TENM3: variants seen among roughly 807,000 people sequenced by gnomAD.
TENM3 encodes the protein teneurin transmembrane protein 3.
Under a neutral mutation model 255.1 loss-of-function variants are expected in TENM3, and 63 were observed. The observed-to-expected ratio is 0.25, with a 90% CI of 0.20 to 0.30. The LOEUF (loss-of-function observed/expected upper bound fraction) is 0.30. Ranked by LOEUF, TENM3 falls within the 10% of genes least tolerant of loss-of-function variation. TENM3 has a pLI of 1.00. For synonymous variants in TENM3, 1,306 were observed against 1,322.3 expected, an observed-to-expected ratio of 0.99 and a Z score of 0.27; for missense variants, 2,929 against 3,461.1, an observed-to-expected ratio of 0.85 and a Z score of 3.86.
chr4:182,315,000 C>T (rs1160349924), intron 1 of TENM3, among the ~76,000 whole-genome samples: 1 of 152,134 alleles, frequency 6.6e-6, no homozygotes, highest in Non-Finnish European at 1.5e-5. Context: ...TTTAATATAA[C>T]ACTGTCTGCC....
chr4:182,762,411 A>G (rs1763277263), intron 22 of TENM3, among the ~76,000 whole-genome samples: 1 of 151,238 alleles, frequency 6.6e-6, no homozygotes, highest in Admixed American at 6.6e-5. Context: ...TTACCCTAAC[A>G]CTAAGCTGTG....
chr4:182,026,685 C>A, the TENM3 span, among the ~76,000 whole-genome samples: 7 of 152,118 alleles, frequency 4.6e-5, no homozygotes, highest in Non-Finnish European at 2.9e-5. Flanking sequence ...ATATGGATAG[C>A]CAGTTTTCCC....
At chr4:181,719,215 A>AAAATAAATGAATAAAT in the TENM3 span, among the ~76,000 whole-genome samples, 1 of 149,962 alleles carries the variant, frequency 6.7e-6, no homozygotes, top group African/African-American at 2.4e-5. Flanking sequence ...TCCGTCTCAA[A>AAAATAAATGAATAAAT]AAATAAATAA....
intron 3 of TENM3, among the ~76,000 whole-genome samples, chr4:182,359,070 C>T (rs1765766048): frequency 6.6e-6 from 1 of 151,484 alleles, no homozygotes; most frequent in Admixed American, 6.6e-5. Context: ...GGATGAAGCC[C>T]ACTTGATCAT....
intron 1 of TENM3, among the ~76,000 whole-genome samples, chr4:182,234,293 C>T (rs1463323198): frequency 6.6e-6 from 1 of 152,162 alleles, no homozygotes; most frequent in Non-Finnish European, 1.5e-5. Flanking sequence ...GTACAGAGCA[C>T]GGTTCTCTCC....
intron 13 of TENM3, among the ~76,000 whole-genome samples, chr4:182,720,333 A>G (rs1246275765): frequency 6.6e-6 from 1 of 152,148 alleles, no homozygotes; most frequent in Non-Finnish European, 1.5e-5. Context: ...GGCAGGAAAC[A>G]GCACTGGAAA....
the TENM3 span, among the ~76,000 whole-genome samples, chr4:181,448,771 T>A: frequency 6.6e-6 from 1 of 152,344 alleles, no homozygotes; most frequent in Non-Finnish European, 1.5e-5. Context: ...TGATTATGAA[T>A]ATATTACAAA....
At chr4:182,616,377 T>A (rs1163111956) in intron 4 of TENM3, among the ~76,000 whole-genome samples, 30 of 64,770 alleles carry the variant, frequency 4.6e-4, no homozygotes, top group Non-Finnish European at 5.4e-4. Flanking sequence ...TGTGGTGGGG[T>A]GGGGGGAGTG....
At chr4:182,213,587 T>C (rs1438472499) in intron 1 of TENM3, among the ~76,000 whole-genome samples, 2 of 152,178 alleles carry the variant, frequency 1.3e-5, no homozygotes, top group East Asian at 3.9e-4. Context: ...TGCTTGTGAA[T>C]GTCTCATTAG....
chr4:181,610,661 A>G, the TENM3 span, among the ~76,000 whole-genome samples: 3 of 151,960 alleles, frequency 2.0e-5, no homozygotes, highest in East Asian at 1.9e-4. Context: ...TACCTCATAA[A>G]TAACTTCAGA....
At chr4:181,780,634 AG>A in the TENM3 span, among the ~76,000 whole-genome samples, 1 of 152,080 alleles carries the variant, frequency 6.6e-6, no homozygotes, top group African/African-American at 2.4e-5. Context: ...GAAGTTCTTT[AG>A]TTTAATTAGA....
At chr4:181,915,041 A>C in the TENM3 span, among the ~76,000 whole-genome samples, 3 of 152,116 alleles carry the variant, frequency 2.0e-5, no homozygotes, top group African/African-American at 4.8e-5. Context: ...GTTTTTTCCC[A>C]GTCTCCTGCT....
chr4:181,522,300 C>T, the TENM3 span, among the ~76,000 whole-genome samples: 1 of 151,988 alleles, frequency 6.6e-6, no homozygotes, highest in East Asian at 1.9e-4. Context: ...ACATTTTGTG[C>T]TTGTACACCT....
intron 3 of TENM3, among the ~76,000 whole-genome samples, chr4:182,370,207 A>G (rs1411591290): frequency 6.6e-6 from 1 of 152,200 alleles, no homozygotes; most frequent in Non-Finnish European, 1.5e-5. Flanking sequence ...AAATCCAGGA[A>G]ACCACCTGAA....
At chr4:181,863,687 G>T in the TENM3 span, among the ~76,000 whole-genome samples, 1 of 151,954 alleles carries the variant, frequency 6.6e-6, no homozygotes, top group African/African-American at 2.4e-5. Flanking sequence ...AATCATTATT[G>T]CAGGTCCCCT....
At chr4:182,613,852 T>C (rs1018826456) in intron 4 of TENM3, among the ~76,000 whole-genome samples, 4 of 152,242 alleles carry the variant, frequency 2.6e-5, no homozygotes, top group Non-Finnish European at 4.4e-5. Context: ...GTGCAATTAC[T>C]AATAGGTCAT....
At chr4:182,728,196 T>C (rs1168235589) in intron 13 of TENM3, among the ~76,000 whole-genome samples, 1 of 152,192 alleles carries the variant, frequency 6.6e-6, no homozygotes, top group African/African-American at 2.4e-5. Flanking sequence ...ATCCATTTTA[T>C]ATTGATTTGT....
chr4:182,111,253 A>C, the TENM3 span, among the ~76,000 whole-genome samples: 9 of 142,144 alleles, frequency 6.3e-5, no homozygotes, highest in Admixed American at 6.6e-4. Context: ...CTGACAGGTA[A>C]ATCAGCATTT....
chr4:182,166,883 T>C lies in TENM3; in HGVS notation c.-76+22129T>C, dbSNP rs963992910. On this transcript the variant is annotated intron_variant, in intron 1 of 2. Coordinates refer to the TENM3 transcript ENST00000512480. The stretch of plus-strand genomic sequence containing the variant: ...ATAATTGTTAAACTCTTGGGTTTTT[T>C]TTTTAAAGACTTAGAATATCATAAA... Among the ~76,000 whole-genome samples, 50 of 152,296 alleles carry C rather than the reference T, an allele frequency of 3.3e-4. 1 individual carries two copies. The highest frequency in any genetic ancestry group is 1.5e-3 in the Admixed American group (23 of 15,288).
Sources: allele counts gnomAD v4.1 joint callset (sites outside exome capture counted in the v4.1 genomes callset), GRCh38; gene constraint gnomAD v4.1.1; transcripts MANE v1.5; gene names NCBI Gene and HGNC (gene_info 2026-07-23, HGNC 2026-07-21).